Variants in LTBP1 observed in about 807,000 individuals in gnomAD.
The protein encoded by LTBP1 is latent transforming growth factor beta binding protein 1, also known as latent-transforming growth factor beta-binding protein 1.
Under a neutral mutation model 207.6 loss-of-function variants are expected in LTBP1, and 129 were observed. That is an observed-to-expected ratio of 0.62 (90% CI 0.54 to 0.72). The LOEUF (loss-of-function observed/expected upper bound fraction) is 0.72, where lower values mean the gene tolerates loss of function less well. Ranked by LOEUF, LTBP1 falls within the 30% of genes least tolerant of loss-of-function variation. The probability of loss-of-function intolerance (pLI) is 0.00; values close to 1 mark genes in which losing one functional copy is unlikely to be tolerated. For missense variants in LTBP1, 2,281 were observed against 2,217.2 expected, an observed-to-expected ratio of 1.03 and a Z score of -0.58; for synonymous variants, 963 against 833.7, an observed-to-expected ratio of 1.16 and a Z score of -2.67.
At chr2:33,156,898 A>G (rs76025572) in intron 5 of LTBP1, among the ~76,000 whole-genome samples, 2,292 of 152,292 alleles carry the variant, frequency 0.015, 23 homozygotes, top group East Asian at 0.027. Context: ...CTTACTGTAT[A>G]TATATTTAAT....
intron 3 of LTBP1, among the ~76,000 whole-genome samples, chr2:33,077,132 T>C (rs1558603778): frequency 6.6e-6 from 1 of 152,168 alleles, no homozygotes. Context: ...CACACGGCTA[T>C]GGAGAATGTT....
chr2:33,122,871 C>T (rs1409347912), intron 4 of LTBP1, among the ~76,000 whole-genome samples: 2 of 152,142 alleles, frequency 1.3e-5, no homozygotes, highest in Non-Finnish European at 2.9e-5. Context: ...TACACAACCG[C>T]AGTTGAACAT....
intron 3 of LTBP1, among the ~76,000 whole-genome samples, chr2:33,106,908 G>T (rs1374223815): frequency 6.6e-6 from 1 of 152,058 alleles, no homozygotes; most frequent in East Asian, 1.9e-4. Flanking sequence ...TCATATATAG[G>T]CTTTCAATTG....
intron 5 of LTBP1, among the ~76,000 whole-genome samples, chr2:33,135,788 A>G (rs932717156): frequency 6.6e-6 from 1 of 152,196 alleles, no homozygotes; most frequent in African/African-American, 2.4e-5. Context: ...GTCGCAGAAA[A>G]ATGTCTTTTA....
At chr2:32,965,639 C>CT (rs1255358050) in intron 2 of LTBP1, among the ~76,000 whole-genome samples, 1 of 152,190 alleles carries the variant, frequency 6.6e-6, no homozygotes, top group Non-Finnish European at 1.5e-5. Flanking sequence ...TCCTCCATGT[C>CT]TTTTCATGGC....
chr2:33,041,792 T>G (rs959399654), intron 3 of LTBP1, among the ~76,000 whole-genome samples: 2 of 152,118 alleles, frequency 1.3e-5, no homozygotes, highest in African/African-American at 4.8e-5. Flanking sequence ...CCTCTGTCTC[T>G]CTCTTGCTCA....
intron 2 of LTBP1, among the ~76,000 whole-genome samples, chr2:32,996,883 T>TTTTTG (rs1245385121): frequency 2.0e-5 from 3 of 152,004 alleles, no homozygotes; most frequent in Non-Finnish European, 2.9e-5. Context: ...GTGGAACTTT[T>TTTTTG]TTTTGTTTTG....
chr2:33,077,874 G>A (rs750433281), intron 3 of LTBP1, among the ~76,000 whole-genome samples: 2 of 152,220 alleles, frequency 1.3e-5, no homozygotes, highest in African/African-American at 2.4e-5. Flanking sequence ...CTTGGTGGGT[G>A]TAAACATTGA....
chr2:33,163,077 G>A (rs910688137), intron 5 of LTBP1, among the ~76,000 whole-genome samples: 2 of 152,206 alleles, frequency 1.3e-5, no homozygotes, highest in African/African-American at 4.8e-5. Context: ...TGCCCCCTGG[G>A]CTCGAGCAAT....
intron 28 of LTBP1, 31 bp from the exon 29 acceptor site, chr2:33,363,358 CT>C (rs767080094): frequency 9.9e-6 from 16 of 1,611,312 alleles, no homozygotes; most frequent in Non-Finnish European, 1.4e-5. Flanking sequence ...AACCTAACTC[CT>C]TTTTGTATTT....
intron 7 of LTBP1, among the ~76,000 whole-genome samples, chr2:33,207,681 C>T (rs574299440): frequency 6.6e-6 from 1 of 152,272 alleles, no homozygotes; most frequent in South Asian, 2.1e-4. Context: ...TAACAACGAC[C>T]CTTAGAACAA....
intron 2 of LTBP1, among the ~76,000 whole-genome samples, chr2:33,020,532 A>G (rs1343453468): frequency 1.3e-5 from 2 of 152,204 alleles, no homozygotes; most frequent in African/African-American, 2.4e-5. Flanking sequence ...TAAGAATGAT[A>G]GCTTTGGAGC....
In LTBP1 at chr2:33,095,523, C is replaced by T. The variant is rs955699512; in HGVS notation, c.864-15059C>T. On this transcript the variant is annotated intron_variant, in intron 3 of 33. Coordinates refer to ENST00000404816, the MANE Select transcript of LTBP1 (RefSeq NM_206943.4). ...TATTTAGAGTAAGATAGAGAGTCTC[C>T]GCAAAATAATATTCATGAAATACTG... Among the ~76,000 whole-genome samples the T allele has an allele frequency of 1.3e-4, 20 of 151,828 alleles. No individual in the cohort carries two copies. In the East Asian group the frequency reaches 1.5e-3, roughly 12 times the overall value.
At chr2:33,027,188 A>G (rs894820224) in intron 3 of LTBP1, among the ~76,000 whole-genome samples, 1 of 152,192 alleles carries the variant, frequency 6.6e-6, no homozygotes, top group Non-Finnish European at 1.5e-5. Context: ...ATTTTTTTCA[A>G]TTTTTGGCTC....
chr2:33,267,666 A>G (rs2093217897), intron 15 of LTBP1, among the ~76,000 whole-genome samples: 1 of 152,244 alleles, frequency 6.6e-6, no homozygotes, highest in East Asian at 1.9e-4. Flanking sequence ...AAAATACTGC[A>G]TTTCAATTTT....
intron 14 of LTBP1, 89 bp downstream of exon 14, chr2:33,262,910 A>T: frequency 5.0e-6 from 4 of 797,946 alleles, no homozygotes; most frequent in Non-Finnish European, 6.2e-6. Flanking sequence ...TGTGTAGTAA[A>T]TTACTAGACT....
chr2:33,297,015 A>T (rs1227919267), intron 20 of LTBP1, among the ~76,000 whole-genome samples: 1 of 152,224 alleles, frequency 6.6e-6, no homozygotes, highest in Admixed American at 6.5e-5. Context: ...CGTTAAAGCC[A>T]AGAAGTGTGT....
chr2:33,229,995 G>T (rs1254459610), intron 9 of LTBP1, among the ~76,000 whole-genome samples: 1 of 152,022 alleles, frequency 6.6e-6, no homozygotes, highest in Non-Finnish European at 1.5e-5. Context: ...TTGAGAGAAG[G>T]GCTTAATTTC....
chr2:32,951,268 C>A (rs1677059339), intron 2 of LTBP1, among the ~76,000 whole-genome samples: 1 of 152,168 alleles, frequency 6.6e-6, no homozygotes, highest in South Asian at 2.1e-4. Context: ...TCCTGTACTT[C>A]CCAGTTTAAC....
Sources: gnomAD v4.1 joint callset for allele counts (sites outside exome capture counted in the v4.1 genomes callset) on GRCh38, gnomAD v4.1.1 for gene constraint, MANE v1.5 for transcripts, NCBI Gene and HGNC (gene_info 2026-07-23, HGNC 2026-07-21) for gene names.